NUDCD3: variants seen among roughly 807,000 people sequenced by gnomAD.
The protein encoded by NUDCD3 is nudC domain-containing protein 3.
Under a neutral mutation model 39.7 loss-of-function variants are expected in NUDCD3, and 13 were observed. That is an observed-to-expected ratio of 0.33 (90% CI 0.21 to 0.52). The LOEUF is 0.52. Among genes scored for constraint, NUDCD3 ranks in the 20% least tolerant of loss-of-function variants. The pLI, the probability that NUDCD3 is intolerant of heterozygous loss-of-function variation, is 0.96. For synonymous variants in NUDCD3, 175 were observed against 172.4 expected (o/e 1.02, Z -0.12); for missense variants, 453 against 458.1 (o/e 0.99, Z 0.10).
intron 2 of NUDCD3, among the ~76,000 whole-genome samples, chr7:44,447,345 C>T (rs7786156): frequency 0.16 from 24,165 of 152,164 alleles, 2,097 homozygotes; most frequent in Non-Finnish European, 0.19. Flanking sequence ...AGAAAGTTTC[C>T]GTATGTTTCC....
chr7:44,442,433 A>G (rs1199992375), intron 2 of NUDCD3, among the ~76,000 whole-genome samples: 1 of 152,186 alleles, frequency 6.6e-6, no homozygotes, highest in Non-Finnish European at 1.5e-5. Flanking sequence ...TGGAGACTGC[A>G]GGCAAGCCTG....
intron 2 of NUDCD3, among the ~76,000 whole-genome samples, chr7:44,483,732 G>A (rs1263223527): frequency 6.6e-6 from 1 of 151,752 alleles, no homozygotes; most frequent in Non-Finnish European, 1.5e-5. Context: ...ATTCCAAGTT[G>A]TTCACTTTGC....
intron 1 of NUDCD3, among the ~76,000 whole-genome samples, chr7:44,486,728 CTCT>C (rs754551389): frequency 5.9e-5 from 9 of 152,184 alleles, no homozygotes; most frequent in Non-Finnish European, 1.2e-4. Flanking sequence ...CAAGATCTCT[CTCT>C]CCTAACACCT....
chr7:44,394,273 T>A (rs895483882), intron 4 of NUDCD3, among the ~76,000 whole-genome samples: 17 of 152,220 alleles, frequency 1.1e-4, no homozygotes, highest in African/African-American at 3.9e-4. Context: ...CTCTACCCAG[T>A]AAATGACGCT....
At chr7:44,402,556 T>C (rs1018076285) in intron 4 of NUDCD3, 7 of 438,798 alleles carry the variant, frequency 1.6e-5, no homozygotes, top group Admixed American at 4.9e-5. Context: ...ACGGTGGCTA[T>C]GGGCTCAGAG....
chr7:44,467,832 GAAA>G, intron 2 of NUDCD3: 1 of 869,486 alleles, frequency 1.2e-6, no homozygotes. Context: ...AAAAAAAAAA[GAAA>G]AGAAAAGGCT....
chr7:44,486,787 C>T (rs1394389022), intron 1 of NUDCD3, among the ~76,000 whole-genome samples: 1 of 152,170 alleles, frequency 6.6e-6, no homozygotes, highest in African/African-American at 2.4e-5. Context: ...CCTCACCATG[C>T]AGCTGCCTCT....
intron 2 of NUDCD3, among the ~76,000 whole-genome samples, chr7:44,465,983 G>A (rs1206059355): frequency 1.3e-5 from 2 of 152,104 alleles, no homozygotes; most frequent in African/African-American, 2.4e-5. Flanking sequence ...AGCTGACCTC[G>A]TGAATGCATA....
chr7:44,456,112 A>G, intron 2 of NUDCD3, among the ~76,000 whole-genome samples: 1 of 151,656 alleles, frequency 6.6e-6, no homozygotes, highest in Admixed American at 6.6e-5. Flanking sequence ...TTTAGAAACT[A>G]ATAATGATAG....
In NUDCD3 at chr7:44,385,961, G is replaced by A; in HGVS notation, c.*50C>T. On this transcript the variant is annotated 3_prime_UTR_variant, in exon 6 of 6. Coordinates refer to ENST00000355451, the MANE Select transcript of NUDCD3 (RefSeq NM_015332.4). Reference sequence around the variant, plus strand: ...GCAGGGAGCCAAGAAGGGCAGCCGAGGATAAGGCTCTGCCTCCCCACCGGC... The same window carrying A: ...GCAGGGAGCCAAGAAGGGCAGCCGAAGATAAGGCTCTGCCTCCCCACCGGC... The A allele has an allele frequency of 1.1e-6, 1 of 931,502 alleles. No homozygotes were observed. Among genetic ancestry groups the A allele is most frequent in the Non-Finnish European group, 1.8e-6 (1 of 559,376 alleles). The allele number at this position is 931,502 out of a possible 1,614,324, so 57.7% of individuals were successfully genotyped here. A position where few individuals can be genotyped will look rare whatever the true frequency, so the allele number is the denominator to read the frequency against.
At chr7:44,398,577 C>T (rs906019677) in intron 4 of NUDCD3, among the ~76,000 whole-genome samples, 2 of 152,206 alleles carry the variant, frequency 1.3e-5, no homozygotes, top group African/African-American at 2.4e-5. Flanking sequence ...GAAACTTCCA[C>T]CTCAACATGA....
At chr7:44,404,371 G>A in intron 4 of NUDCD3, 69 bp downstream of exon 4, 1 of 1,491,372 alleles carries the variant, frequency 6.7e-7, no homozygotes, top group East Asian at 2.3e-5. Flanking sequence ...TAGGCTTGTT[G>A]GTCAAAAGGG....
At chr7:44,473,679 G>GA (rs2116968362) in intron 2 of NUDCD3, among the ~76,000 whole-genome samples, 1 of 152,258 alleles carries the variant, frequency 6.6e-6, no homozygotes, top group Non-Finnish European at 1.5e-5. Context: ...TCTTTAGGAA[G>GA]AACCTGCTTC....
rs375526563 is a variant in NUDCD3, at chr7:44,490,399, C to T, written c.192+10G>A. 319 of 1,538,516 alleles carry T rather than the reference C, an allele frequency of 2.1e-4. No individual in the cohort carries two copies. Among genetic ancestry groups the T allele is most frequent in the Non-Finnish European group, 2.6e-4 (303 of 1,143,938 alleles). ...GGCGGCTCCCCAGACCGCAGGCCCG[C>T]CCGCCTCACCTGCAGCACCAAGGCC... On this transcript the variant is annotated intron_variant, in intron 1 of 5. Transcript: ENST00000355451.
chr7:44,475,245 G>T (rs1423752174), intron 2 of NUDCD3, among the ~76,000 whole-genome samples: 1 of 151,688 alleles, frequency 6.6e-6, no homozygotes, highest in East Asian at 1.9e-4. Context: ...CCGAGTAGCT[G>T]GGACTACAGG....
chr7:44,405,943 C>T (rs1393246811), intron 3 of NUDCD3, among the ~76,000 whole-genome samples: 6 of 152,042 alleles, frequency 3.9e-5, no homozygotes, highest in African/African-American at 4.8e-5. Context: ...ACTACAGGTA[C>T]GTGCCACCAT....
At chr7:44,471,639 T>C (rs1319481611) in intron 2 of NUDCD3, 1 of 152,266 alleles carries the variant, frequency 6.6e-6, no homozygotes, top group Non-Finnish European at 1.5e-5. Flanking sequence ...TAGAAGTGTT[T>C]ACAGCCACCA....
intron 1 of NUDCD3, among the ~76,000 whole-genome samples, chr7:44,489,631 A>G (rs1301960176): frequency 3.9e-5 from 6 of 152,148 alleles, no homozygotes; most frequent in Admixed American, 3.3e-4. Context: ...TCACTTCTCA[A>G]CCATCATTTC....
rs1203507344 is a variant in NUDCD3 at position 44,427,167 on chromosome 7, TAA to T, written c.642+402_642+403del. Among the ~76,000 whole-genome samples the T allele has an allele frequency of 2.0e-5, 3 of 152,362 alleles. No homozygotes were observed. In the East Asian group the frequency reaches 5.8e-4, roughly 29 times the overall value. On this transcript the variant is annotated intron_variant, in intron 3 of 5. Transcript: ENST00000355451. ...TTCTTAGGGAAACTGAAGGCAGATTTAATCTTTAGGAAAAAAGAGAATTCACC... is the reference window on the plus strand; with the variant it reads ...TTCTTAGGGAAACTGAAGGCAGATTTTCTTTAGGAAAAAAGAGAATTCACC...
Sources: gnomAD v4.1 joint callset for allele counts (sites outside exome capture counted in the v4.1 genomes callset) on GRCh38, gnomAD v4.1.1 for gene constraint, MANE v1.5 for transcripts, NCBI Gene and HGNC (gene_info 2026-07-23, HGNC 2026-07-21) for gene names.